MLLT10: variants seen among roughly 807,000 people sequenced by gnomAD.
MLLT10 encodes MLLT10 histone lysine methyltransferase DOT1L cofactor.
Under a neutral mutation model 129.1 loss-of-function variants are expected in MLLT10, and 30 were observed. That is an observed-to-expected ratio of 0.23 (90% CI 0.17 to 0.32). The LOEUF (loss-of-function observed/expected upper bound fraction) is 0.32, where lower values mean the gene tolerates loss of function less well. Among genes scored for constraint, MLLT10 ranks in the 10% least tolerant of loss-of-function variants. The pLI is 1.00. For missense variants in MLLT10, 1,119 were observed against 1,268.3 expected (o/e 0.88, Z 1.79); for synonymous variants, 490 against 446.4 (o/e 1.10, Z -1.23).
intron 13 of MLLT10, among the ~76,000 whole-genome samples, chr10:21,694,709 T>A (rs1270696107): frequency 6.6e-6 from 1 of 152,204 alleles, no homozygotes; most frequent in African/African-American, 2.4e-5. Flanking sequence ...AGTACATTAG[T>A]TTTCCATTGC....
chr10:21,618,418 A>G (rs1199300228), intron 8 of MLLT10, among the ~76,000 whole-genome samples: 1 of 151,588 alleles, frequency 6.6e-6, no homozygotes. Flanking sequence ...CAGGAGAATC[A>G]CGCTTGAACC....
chr10:21,597,164 A>G (rs963031151), intron 5 of MLLT10, among the ~76,000 whole-genome samples: 5 of 152,186 alleles, frequency 3.3e-5, no homozygotes, highest in Non-Finnish European at 7.3e-5. Flanking sequence ...ACTTACCAAT[A>G]TAATATGCTG....
chr10:21,535,357 C>T (rs1268938230), intron 2 of MLLT10, among the ~76,000 whole-genome samples: 2 of 152,128 alleles, frequency 1.3e-5, no homozygotes, highest in Admixed American at 6.5e-5. Context: ...GCCCGTTGCA[C>T]CCCGAGCCAG....
At chr10:21,682,882 C>G (rs1266775973) in intron 13 of MLLT10, among the ~76,000 whole-genome samples, 1 of 152,120 alleles carries the variant, frequency 6.6e-6, no homozygotes, top group Non-Finnish European at 1.5e-5. Flanking sequence ...AAAGAACATT[C>G]CTTAATCCTT....
chr10:21,607,743 ATAGAT>A (rs2044204126), intron 5 of MLLT10, among the ~76,000 whole-genome samples: 1 of 152,218 alleles, frequency 6.6e-6, no homozygotes, highest in African/African-American at 2.4e-5. Flanking sequence ...TTTAAATTAA[ATAGAT>A]AAGAGAAGAA....
chr10:21,669,123 C>T, intron 9 of MLLT10: 1 of 1,244,014 alleles, frequency 8.0e-7, no homozygotes, highest in Non-Finnish European at 1.0e-6. Context: ...TCCTTTTAAA[C>T]TTACTTTGAA....
chr10:21,562,898 C>T (rs549861611), intron 3 of MLLT10, among the ~76,000 whole-genome samples: 1 of 145,516 alleles, frequency 6.9e-6, no homozygotes, highest in East Asian at 2.1e-4. Flanking sequence ...TGGCTCACCA[C>T]AGCCTCCGCC....
intron 7 of MLLT10, among the ~76,000 whole-genome samples, chr10:21,615,642 A>T (rs2045178350): frequency 6.6e-6 from 1 of 152,010 alleles, no homozygotes; most frequent in Middle Eastern, 3.2e-3. Flanking sequence ...TTTCTGCTTA[A>T]TTACTATTAC....
At chr10:21,621,701 C>T (rs2045880966) in intron 8 of MLLT10, among the ~76,000 whole-genome samples, 1 of 151,848 alleles carries the variant, frequency 6.6e-6, no homozygotes, top group Non-Finnish European at 1.5e-5. Flanking sequence ...CCCCTGCCTC[C>T]CATGCACTGC....
At chr10:21,625,932 T>TA in intron 8 of MLLT10, 1 of 794,142 alleles carries the variant, frequency 1.3e-6, no homozygotes. Flanking sequence ...CTTGGTATTT[T>TA]ACCTACAAAC....
At chr10:21,708,568 G>T (rs570242718) in intron 13 of MLLT10, 1 of 983,830 alleles carries the variant, frequency 1.0e-6, no homozygotes, top group Admixed American at 6.2e-5. Context: ...TTTTTTGTGT[G>T]TGTGTTTTTT....
rs1019680509 is a variant in MLLT10 at position 21,736,287 on chromosome 10, ATATATG to A, written c.2955+1058_2955+1063del. On this transcript the variant is annotated intron_variant, in intron 21 of 22. Coordinates refer to ENST00000307729, the MANE Select transcript of MLLT10 (RefSeq NM_001195626.3). ...TGAAAACTGCCTGGAATTGTGGTATATATATGTATATTTTTGAGAGGGAGTTTTGCT... is the reference window on the plus strand; with the variant it reads ...TGAAAACTGCCTGGAATTGTGGTATATATATTTTTGAGAGGGAGTTTTGCT... Among the ~76,000 whole-genome samples, 13 of 152,254 alleles carry A rather than the reference ATATATG, an allele frequency of 8.5e-5. No individual in the cohort carries two copies. The South Asian group carries it at 1.7e-3, about 19-fold the overall frequency.
At chr10:21,732,777 AAC>A in intron 17 of MLLT10, 120 bp from the exon 18 acceptor site, 2 of 768,104 alleles carry the variant, frequency 2.6e-6, no homozygotes, top group Non-Finnish European at 3.8e-6. Flanking sequence ...ATCATTTAGA[AAC>A]ACTTTACAGA....
intron 8 of MLLT10, chr10:21,626,407 A>G: frequency 3.3e-6 from 2 of 611,398 alleles, no homozygotes; most frequent in Non-Finnish European, 5.8e-6. Context: ...TTACATGGCA[A>G]AGAAGCTGAA....
At chr10:21,654,464 A>C (rs1039113221) in intron 9 of MLLT10, among the ~76,000 whole-genome samples, 1 of 152,186 alleles carries the variant, frequency 6.6e-6, no homozygotes, top group Non-Finnish European at 1.5e-5. Context: ...TTTTTTGGTA[A>C]AGTAAGAAGC....
At chr10:21,697,820 T>C (rs1478551809) in intron 13 of MLLT10, among the ~76,000 whole-genome samples, 1 of 152,232 alleles carries the variant, frequency 6.6e-6, no homozygotes, top group African/African-American at 2.4e-5. Context: ...GTTGTATTTA[T>C]TCATTAGTTG....
chr10:21,741,084 A>C (rs902841985), intron 22 of MLLT10, among the ~76,000 whole-genome samples: 2 of 152,204 alleles, frequency 1.3e-5, no homozygotes, highest in Non-Finnish European at 2.9e-5. Context: ...GTCTTCAGAA[A>C]CTTTAGTTTG....
intron 13 of MLLT10, among the ~76,000 whole-genome samples, chr10:21,704,573 G>A (rs1404995644): frequency 2.7e-5 from 4 of 148,046 alleles, no homozygotes; most frequent in East Asian, 2.0e-4. Context: ...GTGTTCCTAC[G>A]GAATTATTGT....
chr10:21,707,262 G>C (rs1409443028), intron 13 of MLLT10, among the ~76,000 whole-genome samples: 1 of 145,120 alleles, frequency 6.9e-6, no homozygotes, highest in African/African-American at 2.6e-5. Flanking sequence ...GCGCGATCTC[G>C]ACTCACTGCA....
Sources: gnomAD v4.1 joint callset for allele counts (sites outside exome capture counted in the v4.1 genomes callset) on GRCh38, gnomAD v4.1.1 for gene constraint, MANE v1.5 for transcripts, NCBI Gene and HGNC (gene_info 2026-07-23, HGNC 2026-07-21) for gene names.